The following PARD3B variants were observed in gnomAD, a reference collection of about 807,000 sequenced individuals.
PARD3B encodes the protein par-3 family cell polarity regulator beta.
Under a neutral mutation model 130.2 loss-of-function variants are expected in PARD3B, and 103 were observed. The observed-to-expected ratio is 0.79, with a 90% CI of 0.67 to 0.93. The LOEUF (loss-of-function observed/expected upper bound fraction) is 0.93, where lower values mean the gene tolerates loss of function less well. Among genes scored for constraint, PARD3B ranks in the 40% least tolerant of loss-of-function variants. PARD3B has a pLI of 0.00. For synonymous variants in PARD3B, 583 were observed against 553.2 expected, an observed-to-expected ratio of 1.05 and a Z score of -0.76; for missense variants, 1,609 against 1,499.2, an observed-to-expected ratio of 1.07 and a Z score of -1.21.
chr2:204,826,762 G>A (rs762255337), intron 2 of PARD3B, among the ~76,000 whole-genome samples: 5 of 152,170 alleles, frequency 3.3e-5, no homozygotes, highest in East Asian at 1.9e-4. Context: ...GCTCATGCTT[G>A]TAATCCAAGC....
At chr2:205,259,728 T>C (rs976565370) in intron 16 of PARD3B, among the ~76,000 whole-genome samples, 1 of 152,152 alleles carries the variant, frequency 6.6e-6, no homozygotes, top group African/African-American at 2.4e-5. Context: ...ATGTGTTAAA[T>C]CCTTTTTGAT....
At chr2:205,606,169 C>A (rs1293136783) in intron 22 of PARD3B, among the ~76,000 whole-genome samples, 1 of 151,944 alleles carries the variant, frequency 6.6e-6, no homozygotes. Flanking sequence ...ACTCAGTAAT[C>A]TTAAGCAGTC....
intron 18 of PARD3B, among the ~76,000 whole-genome samples, chr2:205,363,354 C>T (rs2044468332): frequency 1.3e-5 from 2 of 152,058 alleles, no homozygotes; most frequent in African/African-American, 4.8e-5. Context: ...GGGGCCTTAC[C>T]CGCCAAATCC....
chr2:205,519,592 C>A (rs1486433383), intron 21 of PARD3B, among the ~76,000 whole-genome samples: 2 of 150,872 alleles, frequency 1.3e-5, no homozygotes, highest in African/African-American at 4.8e-5. Flanking sequence ...CTAGCCAATT[C>A]AACCTGGTTA....
chr2:204,812,444 A>G (rs1171284009), intron 2 of PARD3B, among the ~76,000 whole-genome samples: 1 of 152,162 alleles, frequency 6.6e-6, no homozygotes, highest in Non-Finnish European at 1.5e-5. Context: ...TAGACGGCCA[A>G]GTGGGCTACT....
At chr2:205,197,023 T>TGGGGG (rs5837962) in intron 15 of PARD3B, among the ~76,000 whole-genome samples, 5 of 130,766 alleles carry the variant, frequency 3.8e-5, no homozygotes, top group Admixed American at 7.5e-5. Flanking sequence ...GCTTCCACTG[T>TGGGGG]GGGGGGGGGG....
At chr2:204,774,764 C>T (rs1461815486) in intron 2 of PARD3B, among the ~76,000 whole-genome samples, 2 of 152,052 alleles carry the variant, frequency 1.3e-5, no homozygotes, top group African/African-American at 4.8e-5. Context: ...TTATTGTGGT[C>T]TGTATTTCTA....
chr2:204,718,660 C>CT (rs1379320759), intron 2 of PARD3B, among the ~76,000 whole-genome samples: 1 of 152,182 alleles, frequency 6.6e-6, no homozygotes, highest in African/African-American at 2.4e-5. Flanking sequence ...ATTGTTATGA[C>CT]TTATTAGATT....
chr2:205,297,081 G>T (rs1403450915), intron 16 of PARD3B, among the ~76,000 whole-genome samples: 1 of 151,838 alleles, frequency 6.6e-6, no homozygotes, highest in Non-Finnish European at 1.5e-5. Flanking sequence ...GGGAGGATCC[G>T]TTCTTCTCGA....
chr2:204,716,708 C>T (rs573964095), intron 2 of PARD3B, among the ~76,000 whole-genome samples: 4 of 150,636 alleles, frequency 2.7e-5, no homozygotes, highest in Admixed American at 6.6e-5. Context: ...CTGCAAGTTC[C>T]GCCTCCTGGG....
intron 2 of PARD3B, among the ~76,000 whole-genome samples, chr2:204,954,364 G>C (rs548590138): frequency 6.6e-6 from 1 of 152,138 alleles, no homozygotes; most frequent in Non-Finnish European, 1.5e-5. Context: ...GCTATATGCT[G>C]ACCTTTCTGT....
chr2:204,593,611 T>C (rs953027783), intron 1 of PARD3B, among the ~76,000 whole-genome samples: 1 of 152,226 alleles, frequency 6.6e-6, no homozygotes, highest in Admixed American at 6.5e-5. Context: ...CTCAGTAGTT[T>C]ATGAATACTT....
intron 2 of PARD3B, among the ~76,000 whole-genome samples, chr2:204,882,390 C>G (rs2046088733): frequency 6.6e-6 from 1 of 151,938 alleles, no homozygotes; most frequent in Non-Finnish European, 1.5e-5. Flanking sequence ...TTCTATAATC[C>G]TCCTAAAATT....
intron 4 of PARD3B, among the ~76,000 whole-genome samples, chr2:205,058,507 G>C (rs971320761): frequency 6.6e-6 from 1 of 151,818 alleles, no homozygotes; most frequent in Non-Finnish European, 1.5e-5. Flanking sequence ...ATTTTTTGAG[G>C]AACCACCAAA....
intron 2 of PARD3B, among the ~76,000 whole-genome samples, chr2:204,693,655 G>A (rs2037455961): frequency 6.6e-6 from 1 of 151,980 alleles, no homozygotes; most frequent in Non-Finnish European, 1.5e-5. Context: ...ACTGCATCAA[G>A]TCCAAACTTT....
At chr2:204,720,406 G>T (rs1247302430) in intron 2 of PARD3B, among the ~76,000 whole-genome samples, 1 of 152,094 alleles carries the variant, frequency 6.6e-6, no homozygotes, top group East Asian at 1.9e-4. Context: ...ATGTAAATGT[G>T]ATAAAATAGA....
chr2:205,057,880 A>G (rs187350940), intron 4 of PARD3B, among the ~76,000 whole-genome samples: 24 of 150,984 alleles, frequency 1.6e-4, no homozygotes, highest in African/African-American at 5.6e-4. Flanking sequence ...TGGCTTTTTA[A>G]AAAAAAGACT....
intron 18 of PARD3B, among the ~76,000 whole-genome samples, chr2:205,350,217 C>G (rs1210406376): frequency 6.6e-6 from 1 of 152,072 alleles, no homozygotes; most frequent in Non-Finnish European, 1.5e-5. Context: ...CTTTGAAGAG[C>G]CTCTCAGGTA....
intron 6 of PARD3B, among the ~76,000 whole-genome samples, chr2:205,117,450 T>C (rs1353263523): frequency 6.6e-6 from 1 of 152,162 alleles, no homozygotes. Flanking sequence ...GCCATGCCTG[T>C]TGAGGTCTTG....
Sources: gnomAD v4.1 joint callset for allele counts (sites outside exome capture counted in the v4.1 genomes callset) on GRCh38, gnomAD v4.1.1 for gene constraint, MANE v1.5 for transcripts, NCBI Gene and HGNC (gene_info 2026-07-23, HGNC 2026-07-21) for gene names.